MYO5A: variants seen among roughly 807,000 people sequenced by gnomAD.
MYO5A encodes myosin VA, also known as unconventional myosin-Va.
MYO5A carries 98 observed loss-of-function variants against 249.7 expected under a neutral mutation model. The observed-to-expected ratio is 0.39, with a 90% confidence interval of 0.33 to 0.46. The LOEUF (loss-of-function observed/expected upper bound fraction) is 0.46, where lower values mean the gene tolerates loss of function less well. Among genes scored for constraint, MYO5A ranks in the 20% least tolerant of loss-of-function variants. The pLI, the probability that MYO5A is intolerant of heterozygous loss-of-function variation, is 0.98. For missense variants in MYO5A, 1,696 were observed against 2,308.8 expected (o/e 0.73, Z 5.44); for synonymous variants, 778 against 810.6 (o/e 0.96, Z 0.68).
chr15:52,414,177 A>G (rs1236365273), intron 5 of MYO5A, among the ~76,000 whole-genome samples: 3 of 152,066 alleles, frequency 2.0e-5, no homozygotes, highest in African/African-American at 7.2e-5. Context: ...TGAAGTCGGG[A>G]GGCCCTCAGG....
chr15:52,439,893 C>T lies in MYO5A; in HGVS notation c.28-6608G>A, dbSNP rs192808907. On this transcript the variant is annotated intron_variant, in intron 1 of 41. Coordinates refer to ENST00000399233, the MANE Select transcript of MYO5A (RefSeq NM_001382347.1). The stretch of plus-strand genomic sequence containing the variant: ...GTAAACACACATCAAAGATTTGTGA[C>T]AATTCAAATGAACCACTTGACAAAA... Among the ~76,000 whole-genome samples the T allele has an allele frequency of 2.0e-5, 3 of 152,258 alleles. No individual in the cohort carries two copies. In the East Asian group the frequency reaches 5.8e-4, roughly 29 times the overall value.
intron 1 of MYO5A, among the ~76,000 whole-genome samples, chr15:52,468,937 ATGAG>A (rs1439047441): frequency 6.6e-6 from 1 of 152,134 alleles, no homozygotes; most frequent in Non-Finnish European, 1.5e-5. Flanking sequence ...TCATTTTTTC[ATGAG>A]TAAGTACTAT....
chr15:52,313,780 G>A lies in MYO5A; in HGVS notation c.5559C>T (p.Thr1853=). ...CGAGGGAAGATGGGTTGAAAGGAAAGGTGACAGGAAAGATGTGTTTAGCAT... is the reference window on the plus strand; with the variant it reads ...CGAGGGAAGATGGGTTGAAAGGAAAAGTGACAGGAAAGATGTGTTTAGCAT... ...LMDAKHIFPV[T]FPFNPSSLAL... The change falls in exon 42 of 42, where the codon ACC becomes ACT. Residue 1853 remains threonine, a synonymous_variant. Coordinates refer to ENST00000399233, the MANE Select transcript of MYO5A (RefSeq NM_001382347.1). The A allele has an allele frequency of 6.2e-7, 1 of 1,614,090 alleles. No homozygotes were observed.
At chr15:52,464,196 G>C (rs1337648053) in intron 1 of MYO5A, among the ~76,000 whole-genome samples, 23 of 152,172 alleles carry the variant, frequency 1.5e-4, no homozygotes, top group Admixed American at 1.5e-3. Flanking sequence ...CCCCGATTCA[G>C]GTACCTCATT....
chr15:52,388,793 T>C (rs1229075500), intron 13 of MYO5A, among the ~76,000 whole-genome samples: 1 of 152,148 alleles, frequency 6.6e-6, no homozygotes, highest in East Asian at 1.9e-4. Flanking sequence ...GGACTCAGAA[T>C]TTTTGAGGCA....
chr15:52,314,542 C>T (rs2037899334), intron 40 of MYO5A, among the ~76,000 whole-genome samples: 1 of 152,192 alleles, frequency 6.6e-6, no homozygotes, highest in Admixed American at 6.5e-5. Flanking sequence ...CCTGAACACC[C>T]CCTCTAGCTG....
At chr15:52,357,470 A>AAAG (rs2040297568) in intron 25 of MYO5A, among the ~76,000 whole-genome samples, 1 of 150,092 alleles carries the variant, frequency 6.7e-6, no homozygotes, top group African/African-American at 2.5e-5. Context: ...AAAAAAAAAG[A>AAAG]AAAAATGTGA....
chr15:52,389,061 A>G (rs2042096587), intron 13 of MYO5A, among the ~76,000 whole-genome samples, 177 bp downstream of exon 13: 1 of 152,194 alleles, frequency 6.6e-6, no homozygotes, highest in East Asian at 1.9e-4. Context: ...TATTTCACAA[A>G]TAACTCAATT....
At chr15:52,434,348 T>G (rs550251162) in intron 1 of MYO5A, among the ~76,000 whole-genome samples, 91 of 152,260 alleles carry the variant, frequency 6.0e-4, no homozygotes, top group African/African-American at 2.0e-3. Context: ...CTGCAAAGCC[T>G]TAGTGATTTC....
chr15:52,487,984 T>C (rs1371854626), intron 1 of MYO5A, among the ~76,000 whole-genome samples: 1 of 152,142 alleles, frequency 6.6e-6, no homozygotes, highest in Non-Finnish European at 1.5e-5. Context: ...AGCTTTCTAA[T>C]TCTGGGTGAG....
At position 52,428,887 on chromosome 15, in the gene MYO5A, T is replaced by C. The variant is rs151229334; in HGVS notation, c.139-318A>G. Among the ~76,000 whole-genome samples the C allele has an allele frequency of 4.9e-3, 753 of 152,298 alleles. 8 individuals carry two copies. The highest frequency in any genetic ancestry group is 0.018 in the African/African-American group (728 of 41,558). On this transcript the variant is annotated intron_variant, in intron 2 of 41. Coordinates refer to ENST00000399233, the MANE Select transcript of MYO5A (RefSeq NM_001382347.1). ...TCTCTCCTCCAACCCCTTTTACCTATAAAAAAGTGGCGGACAATATAAAAG... is the reference window on the plus strand; with the variant it reads ...TCTCTCCTCCAACCCCTTTTACCTACAAAAAAGTGGCGGACAATATAAAAG...
At chr15:52,490,713 A>ATGTTGT (rs533878327) in intron 1 of MYO5A, among the ~76,000 whole-genome samples, 8 of 151,790 alleles carry the variant, frequency 5.3e-5, no homozygotes, top group African/African-American at 1.2e-4. Flanking sequence ...GTACAACAAT[A>ATGTTGT]TGTTGTTGTT....
At chr15:52,482,863 C>T (rs17614255) in intron 1 of MYO5A, among the ~76,000 whole-genome samples, 10,163 of 152,220 alleles carry the variant, frequency 0.067, 502 homozygotes, top group Non-Finnish European at 0.093. Context: ...CCAACCTGCC[C>T]GTGGCTCTTC....
chr15:52,500,389 C>G (rs753933589), intron 1 of MYO5A, among the ~76,000 whole-genome samples: 2 of 146,326 alleles, frequency 1.4e-5, no homozygotes, highest in South Asian at 4.2e-4. Context: ...TCTTTTTACC[C>G]GAGCTGGAGT....
intron 35 of MYO5A, 52 bp from the exon 36 acceptor site, chr15:52,328,058 C>A: frequency 6.9e-7 from 1 of 1,446,378 alleles, no homozygotes; most frequent in Non-Finnish European, 9.6e-7. Context: ...TTTCACGAGG[C>A]ATGCATTGTG....
chr15:52,495,991 T>C (rs2077030146), intron 1 of MYO5A, among the ~76,000 whole-genome samples: 1 of 151,290 alleles, frequency 6.6e-6, no homozygotes, highest in Admixed American at 6.6e-5. Context: ...AAATGATGAG[T>C]TAATGGGTGC....
intron 15 of MYO5A, 121 bp from the exon 16 acceptor site, chr15:52,383,309 G>A: frequency 2.4e-6 from 2 of 817,426 alleles, no homozygotes; most frequent in Non-Finnish European, 4.2e-6. Flanking sequence ...TTATAAACTT[G>A]ACCCATCTTC....
At position 52,396,374 on chromosome 15, in the gene MYO5A, CTATT is replaced by C; in HGVS notation, c.1339_1342del (p.Asn447ValfsTer7). ...ATAATTTATGCAAAACTGTTCAAAA[CTATT>C]TATCTCAAATGTTTCAAATCTGTAA... On this transcript the variant is annotated frameshift_variant, in exon 11 of 42. Transcript: ENST00000399233. LOFTEE classifies it high-confidence loss of function. 6.4e-7 allele frequency: 1 copy of C among 1,566,474 alleles called. No individual in the cohort carries two copies. The highest frequency in any genetic ancestry group is 8.8e-7 in the Non-Finnish European group (1 of 1,140,266).
intron 16 of MYO5A, among the ~76,000 whole-genome samples, chr15:52,381,243 C>G (rs1339537090): frequency 6.6e-6 from 1 of 152,068 alleles, no homozygotes; most frequent in African/African-American, 2.4e-5. Flanking sequence ...TGAGGGCTGT[C>G]CAGGACAGAG....
Sources: allele counts gnomAD v4.1 joint callset (sites outside exome capture counted in the v4.1 genomes callset), GRCh38; gene constraint gnomAD v4.1.1; transcripts MANE v1.5; gene names NCBI Gene and HGNC (gene_info 2026-07-23, HGNC 2026-07-21).